The following CD74 variants were observed in gnomAD, a reference collection of about 807,000 sequenced individuals.
CD74 encodes HLA class II histocompatibility antigen gamma chain.
In CD74, 20 loss-of-function variants were observed where a neutral mutation model predicts 37.1. The ratio of observed to expected loss-of-function variants is 0.54; its 90% CI spans 0.38 to 0.78. CD74 has a LOEUF of 0.78. Among genes scored for constraint, CD74 ranks in the 30% least tolerant of loss-of-function variants. The pLI is 0.00. For missense variants in CD74, 338 were observed against 389.5 expected (o/e 0.87, Z 1.11); for synonymous variants, 150 against 152.0 (o/e 0.99, Z 0.10).
At chr5:150,412,286 G>C (rs2151187006) in intron 1 of CD74, among the ~76,000 whole-genome samples, 2 of 152,298 alleles carry the variant, frequency 1.3e-5, no homozygotes, top group Admixed American at 6.5e-5. Flanking sequence ...CTTTAACCTA[G>C]CATTCACAGC....
At chr5:150,410,665 CCTT>C (rs1233527108) in intron 1 of CD74, among the ~76,000 whole-genome samples, 1 of 149,942 alleles carries the variant, frequency 6.7e-6, no homozygotes, top group Admixed American at 6.7e-5. Flanking sequence ...ATTTACACTA[CCTT>C]CTTCTGCAAT....
rs777762777 is a variant in CD74 at position 150,402,195 on chromosome 5, A to G, written c.*45T>C. On this transcript the variant is annotated 3_prime_UTR_variant, in exon 9 of 9. Transcript: ENST00000009530. This position sits in a 1 kb window ranked among gnomAD's most constrained non-coding sequence, Gnocchi z 4.2. The stretch of plus-strand genomic sequence containing the variant: ...GGGCTGAAGGGAGCAAGAAAGCTGT[A>G]GCTGTGTGGGGCTGGCAGGATGTTG... The G allele has an allele frequency of 6.3e-7, 1 of 1,591,354 alleles. No homozygotes were observed. Among genetic ancestry groups the G allele is most frequent in the Non-Finnish European group, 8.6e-7 (1 of 1,168,682 alleles).
In CD74 at chr5:150,404,987, G is replaced by A. The variant is rs1045441685; in HGVS notation, c.537+98C>T. ...TGCTGGTAAACCCCTTCAGCTTCCT[G>A]AGAATGGCTTCCCCAGCCCACCCTC... On this transcript the variant is annotated intron_variant, in intron 5 of 8. Coordinates refer to ENST00000009530, the MANE Select transcript of CD74 (RefSeq NM_001025159.3). The A allele has an allele frequency of 1.9e-5, 23 of 1,188,568 alleles. 1 individual carries two copies. In the South Asian group the frequency reaches 2.9e-4, roughly 15 times the overall value. The allele number at this position is 1,188,568 out of a possible 1,614,324, so 73.6% of individuals were successfully genotyped here.
intron 1 of CD74, among the ~76,000 whole-genome samples, chr5:150,410,768 A>G (rs556071874): frequency 2.6e-5 from 4 of 152,272 alleles, no homozygotes; most frequent in Admixed American, 2.6e-4. Context: ...AGCATTCACA[A>G]AAGCCTCCAA....
chr5:150,405,821 G>GA (rs1416146006), intron 4 of CD74: 1 of 156,078 alleles, frequency 6.4e-6, no homozygotes, highest in African/African-American at 2.4e-5. Flanking sequence ...ACCCAGGCTG[G>GA]AGTGCAGTGG....
At chr5:150,406,153 A>G in intron 4 of CD74, 106 bp downstream of exon 4, 2 of 804,990 alleles carry the variant, frequency 2.5e-6, no homozygotes, top group South Asian at 1.3e-5. Context: ...TCCAGAGAGC[A>G]CATGTTGAAA....
Position 150,405,151 on chromosome 5 carries a change from T to A in CD74, c.471A>T (p.Pro157=). The part of the protein sequence containing the change: ...QNADPLKVYP[P]LKGSFPENLR... ...GGTTCTCCGGGAAGCTCCCCTTCAG[T>A]GGCGGGTACACCTTCAGGGGGTCAG... The change falls in exon 5 of 9, where the codon CCA becomes CCT. Residue 157 remains proline, a synonymous_variant. Transcript: ENST00000009530. The A allele has an allele frequency of 6.2e-7, 1 of 1,610,560 alleles. No homozygotes were observed.
intron 3 of CD74, 88 bp from the exon 4 acceptor site, chr5:150,406,409 G>T: frequency 9.7e-7 from 1 of 1,030,046 alleles, no homozygotes; most frequent in Non-Finnish European, 1.5e-6. Context: ...ATCTAGGTAA[G>T]AGACTGGAAT....
chr5:150,403,223 G>T lies in CD74; in HGVS notation c.715C>A (p.Leu239Met). The T allele has an allele frequency of 1.2e-6, 2 of 1,614,034 alleles. No homozygotes were observed. Among genetic ancestry groups the T allele is most frequent in the Non-Finnish European group, 1.7e-6 (2 of 1,179,874 alleles). ...RPKCDENGNY[L>M]PLQCYGSIGY... is the part of the protein sequence containing the mutation. ...ATGCTCCCATAGCACTGGAGTGGCA[G>T]ATAGTTGCCGTTCTCGTCGCACTTG... Residue 239 changes from leucine (L) to methionine (M), a missense_variant, in exon 7 of 9, where the codon CTG (leucine) becomes ATG (methionine). Leu to Met is a conservative substitution (Grantham distance 15). Transcript: ENST00000009530. This position sits in a 1 kb window ranked among gnomAD's most constrained non-coding sequence, Gnocchi z 4.5.
intron 1 of CD74, 64 bp downstream of exon 1, chr5:150,412,561 C>G: frequency 7.9e-7 from 1 of 1,261,530 alleles, no homozygotes; most frequent in Non-Finnish European, 1.1e-6. Flanking sequence ...GTGCTTCTTC[C>G]CAGCACATGC....
rs1323595350 is a variant in CD74 at position 150,401,697 on chromosome 5, T to G, written c.*543A>C. ...ATGGCCCTGAAAGCTGATAACAAGC[T>G]TGGCTGAGCAGAGGGAACTAGGGGT... On this transcript the variant is annotated 3_prime_UTR_variant, in exon 9 of 9. Transcript: ENST00000009530. 1 of 553,868 alleles carries G rather than the reference T, an allele frequency of 1.8e-6. No individual in the cohort carries two copies. 34.3% of individuals were successfully genotyped at this position (553,868 alleles called of 1,614,324 possible). A position where few individuals can be genotyped will look rare whatever the true frequency, so the allele number is the denominator to read the frequency against.
intron 6 of CD74, chr5:150,404,464 C>G: frequency 1.8e-6 from 1 of 552,178 alleles, no homozygotes; most frequent in Non-Finnish European, 3.3e-6. Context: ...CTTAGGAACC[C>G]TTAGACAAGA....
intron 3 of CD74, chr5:150,406,588 A>G (rs991500994): frequency 1.7e-6 from 1 of 590,730 alleles, no homozygotes; most frequent in Non-Finnish European, 3.0e-6. Context: ...TTGTCAATGC[A>G]TGATAGCAAG....
Position 150,401,987 on chromosome 5 carries a change from C to T in CD74, c.*253G>A. ...TGTGATGTCAGGAACGGGGATCTGTCTAGCTTTTGGCCACTTCCTGGGACC... is the reference window on the plus strand; with the variant it reads ...TGTGATGTCAGGAACGGGGATCTGTTTAGCTTTTGGCCACTTCCTGGGACC... On this transcript the variant is annotated 3_prime_UTR_variant, in exon 9 of 9. Coordinates refer to ENST00000009530, the MANE Select transcript of CD74 (RefSeq NM_001025159.3). 7.0e-7 allele frequency: 1 copy of T among 1,422,754 alleles called. No individual in the cohort carries two copies. The highest frequency in any genetic ancestry group is 9.6e-7 in the Non-Finnish European group (1 of 1,043,402). The allele number at this position is 1,422,754 out of a possible 1,614,324, so 88.1% of individuals were successfully genotyped here. A position where few individuals can be genotyped will look rare whatever the true frequency, so the allele number is the denominator to read the frequency against.
Position 150,401,680 on chromosome 5 carries a change from G to A in CD74, c.*560C>T. On this transcript the variant is annotated 3_prime_UTR_variant, in exon 9 of 9. Coordinates refer to ENST00000009530, the MANE Select transcript of CD74 (RefSeq NM_001025159.3). ...TTATTCTAATGTGAACCATGGCCCT[G>A]AAAGCTGATAACAAGCTTGGCTGAG... 1 of 537,206 alleles carries A rather than the reference G, an allele frequency of 1.9e-6. No homozygotes were observed. The highest frequency in any genetic ancestry group is 2.4e-5 in the South Asian group (1 of 42,364). 33.3% of individuals were successfully genotyped at this position (537,206 alleles called of 1,614,324 possible). A position where few individuals can be genotyped will look rare whatever the true frequency, so the allele number is the denominator to read the frequency against.
chr5:150,405,027 A>G, intron 5 of CD74, 58 bp downstream of exon 5: 1 of 1,506,360 alleles, frequency 6.6e-7, no homozygotes, highest in Middle Eastern at 1.7e-4. Flanking sequence ...CACCTCTCCT[A>G]GCCCTGCCCT....
In CD74 at chr5:150,402,151, G is replaced by A; in HGVS notation, c.*89C>T. On this transcript the variant is annotated 3_prime_UTR_variant, in exon 9 of 9. Coordinates refer to ENST00000009530, the MANE Select transcript of CD74 (RefSeq NM_001025159.3). The surrounding 1 kb of genome is among the most constrained non-coding windows in gnomAD (Gnocchi z 4.2). ...TCTCATGGGATGAGGTACAGGGTGGGAGATGGGGGAGGGGCTGGGGGCTGA... is the reference window on the plus strand; with the variant it reads ...TCTCATGGGATGAGGTACAGGGTGGAAGATGGGGGAGGGGCTGGGGGCTGA... 1 of 1,552,736 alleles carries A rather than the reference G, an allele frequency of 6.4e-7. No homozygotes were observed. Among genetic ancestry groups the A allele is most frequent in the Non-Finnish European group, 8.7e-7 (1 of 1,146,800 alleles).
At chr5:150,411,081 A>G (rs1166516914) in intron 1 of CD74, among the ~76,000 whole-genome samples, 2 of 152,232 alleles carry the variant, frequency 1.3e-5, no homozygotes, top group African/African-American at 4.8e-5. Context: ...TAAGTCACTT[A>G]CCAATATGAC....
chr5:150,408,781 G>A (rs956577580), intron 1 of CD74, among the ~76,000 whole-genome samples: 14 of 152,336 alleles, frequency 9.2e-5, no homozygotes, highest in Non-Finnish European at 1.6e-4. Flanking sequence ...TCCAGGTGTT[G>A]CCAATGTGAA....
Sources: allele counts gnomAD v4.1 joint callset (sites outside exome capture counted in the v4.1 genomes callset), GRCh38; gene constraint gnomAD v4.1.1; non-coding constraint Gnocchi (gnomAD v3.1); transcripts MANE v1.5; gene names NCBI Gene and HGNC (gene_info 2026-07-23, HGNC 2026-07-21).